Variants in RABGAP1L observed in about 807,000 individuals in gnomAD.
The protein encoded by RABGAP1L is RAB GTPase activating protein 1 like, also known as rab GTPase-activating protein 1-like.
In RABGAP1L, 63 loss-of-function variants were observed where a neutral mutation model predicts 137.7. The observed-to-expected ratio is 0.46, with a 90% CI of 0.37 to 0.56. The LOEUF is 0.56. Among genes scored for constraint, RABGAP1L ranks in the 20% least tolerant of loss-of-function variants. The probability of loss-of-function intolerance (pLI) is 0.00; values close to 1 mark genes in which losing one functional copy is unlikely to be tolerated. For synonymous variants in RABGAP1L, 431 were observed against 433.7 expected (o/e 0.99, Z 0.08); for missense variants, 1,095 against 1,244.0 (o/e 0.88, Z 1.80).
Position 174,277,906 on chromosome 1 carries a change from G to A in RABGAP1L, c.1157-707G>A, listed in dbSNP as rs371338175. Among the ~76,000 whole-genome samples, 17 of 152,186 alleles carry A rather than the reference G, an allele frequency of 1.1e-4. 1 individual carries two copies. In the South Asian group the frequency reaches 2.9e-3, roughly 26 times the overall value. ...GTAAGAATGTAATAAAATTGTTATT[G>A]AATTTGAGAAGTAGTTGATGAATCT... is the stretch of plus-strand genomic sequence containing the variant. On this transcript the variant is annotated intron_variant, in intron 9 of 25. Coordinates refer to ENST00000681986, the MANE Select transcript of RABGAP1L (RefSeq NM_001366446.1).
At chr1:174,254,558 G>C (rs963921615) in intron 7 of RABGAP1L, among the ~76,000 whole-genome samples, 1 of 152,104 alleles carries the variant, frequency 6.6e-6, no homozygotes, top group Admixed American at 6.6e-5. Context: ...TCATCGTTCA[G>C]CTCCCACTTA....
chr1:174,925,400 A>G (rs1271303966), intron 19 of RABGAP1L, among the ~76,000 whole-genome samples: 1 of 151,758 alleles, frequency 6.6e-6, no homozygotes, highest in Non-Finnish European at 1.5e-5. Flanking sequence ...CAACAACAAA[A>G]AAAACAGCTG....
At chr1:174,323,191 A>G (rs1432246869) in intron 11 of RABGAP1L, among the ~76,000 whole-genome samples, 2 of 152,160 alleles carry the variant, frequency 1.3e-5, no homozygotes, top group African/African-American at 4.8e-5. Flanking sequence ...TGGCATATAT[A>G]TTAGATATTT....
intron 7 of RABGAP1L, among the ~76,000 whole-genome samples, chr1:174,268,491 C>T (rs1030986309): frequency 6.6e-6 from 1 of 152,164 alleles, no homozygotes; most frequent in South Asian, 2.1e-4. Context: ...GCGTGAGCCA[C>T]TGCGCCCAGC....
chr1:174,757,047 C>T (rs1040896081), intron 18 of RABGAP1L: 17 of 562,898 alleles, frequency 3.0e-5, no homozygotes, highest in African/African-American at 9.6e-5. Context: ...TCACCAATCC[C>T]GGCCAGGCTC....
chr1:174,383,650 G>A (rs1233851526), intron 12 of RABGAP1L, among the ~76,000 whole-genome samples: 20 of 151,950 alleles, frequency 1.3e-4, no homozygotes, highest in Admixed American at 7.9e-4. Context: ...GCTTCGGCTC[G>A]CGCACGGTGC....
chr1:174,720,338 C>A (rs1426204393), intron 17 of RABGAP1L, among the ~76,000 whole-genome samples: 1 of 150,290 alleles, frequency 6.7e-6, no homozygotes, highest in African/African-American at 2.5e-5. Flanking sequence ...GGGTCTGGCT[C>A]TGTTGCCCAG....
At chr1:174,599,442 C>T (rs1404296006) in intron 13 of RABGAP1L, among the ~76,000 whole-genome samples, 2 of 152,096 alleles carry the variant, frequency 1.3e-5, no homozygotes, top group African/African-American at 4.8e-5. Flanking sequence ...AGTTTTGGAC[C>T]TCCAGATGAT....
At chr1:174,587,857 T>G (rs997749549) in intron 13 of RABGAP1L, among the ~76,000 whole-genome samples, 1 of 146,398 alleles carries the variant, frequency 6.8e-6, no homozygotes, top group Admixed American at 6.8e-5. Context: ...ACTCTTTAGA[T>G]TTATTTATTT....
intron 14 of RABGAP1L, among the ~76,000 whole-genome samples, chr1:174,644,901 A>C (rs1674825813): frequency 6.6e-6 from 1 of 152,118 alleles, no homozygotes; most frequent in African/African-American, 2.4e-5. Context: ...CCATCTGTCC[A>C]AATCTTAGTT....
At chr1:174,347,698 G>GT (rs1408457091) in intron 11 of RABGAP1L, among the ~76,000 whole-genome samples, 1 of 152,134 alleles carries the variant, frequency 6.6e-6, no homozygotes, top group Non-Finnish European at 1.5e-5. Flanking sequence ...GTTTCACCGT[G>GT]TTAGCCAGGA....
chr1:174,914,210 T>C (rs1660495363), intron 19 of RABGAP1L, among the ~76,000 whole-genome samples: 1 of 152,192 alleles, frequency 6.6e-6, no homozygotes, highest in South Asian at 2.1e-4. Flanking sequence ...CCAAGGCCAG[T>C]AGGGTGCCTC....
chr1:174,680,823 G>A (rs1263946597), intron 14 of RABGAP1L, among the ~76,000 whole-genome samples: 3 of 152,096 alleles, frequency 2.0e-5, no homozygotes, highest in Non-Finnish European at 4.4e-5. Context: ...CAGCCTGGGA[G>A]GCAGAGGCTG....
At chr1:174,334,337 C>T (rs1681289312) in intron 11 of RABGAP1L, among the ~76,000 whole-genome samples, 1 of 152,168 alleles carries the variant, frequency 6.6e-6, no homozygotes. Context: ...ACTGGTCTTC[C>T]TGCCTTCCAG....
intron 13 of RABGAP1L, among the ~76,000 whole-genome samples, chr1:174,517,016 G>C (rs1039172677): frequency 2.6e-5 from 4 of 151,720 alleles, no homozygotes; most frequent in African/African-American, 9.7e-5. Context: ...ATATAGTCCT[G>C]TATTCAAGTG....
intron 19 of RABGAP1L, among the ~76,000 whole-genome samples, chr1:174,862,059 G>A (rs1016314352): frequency 2.0e-5 from 3 of 152,056 alleles, no homozygotes; most frequent in African/African-American, 7.2e-5. Flanking sequence ...TTTCTTCTAG[G>A]AGTTTTGTGA....
Position 174,751,154 on chromosome 1 carries a change from A to G in RABGAP1L, c.2170-1159A>G, listed in dbSNP as rs140421091. ...TAAATAATCAGCTGAGTAAACCCCA[A>G]ACCAAAAATATTTGGTTTATATTTT... On this transcript the variant is annotated intron_variant, in intron 17 of 25. Coordinates refer to ENST00000681986, the MANE Select transcript of RABGAP1L (RefSeq NM_001366446.1). Among the ~76,000 whole-genome samples, 105 of 152,302 alleles carry G rather than the reference A, an allele frequency of 6.9e-4. 1 individual carries two copies. Among genetic ancestry groups the G allele is most frequent in the Middle Eastern group, 3.4e-3 (1 of 294 alleles).
At chr1:174,738,614 C>G (rs902528473) in intron 17 of RABGAP1L, among the ~76,000 whole-genome samples, 2 of 152,122 alleles carry the variant, frequency 1.3e-5, no homozygotes, top group Admixed American at 1.3e-4. Flanking sequence ...AACTGGTACT[C>G]CTCAATTTAC....
intron 14 of RABGAP1L, among the ~76,000 whole-genome samples, chr1:174,680,494 A>G (rs1677975875): frequency 6.6e-6 from 1 of 152,220 alleles, no homozygotes; most frequent in South Asian, 2.1e-4. Context: ...TCTTTTGTTT[A>G]TAAGCTAATT....
Sources: allele counts gnomAD v4.1 joint callset (sites outside exome capture counted in the v4.1 genomes callset), GRCh38; gene constraint gnomAD v4.1.1; transcripts MANE v1.5; gene names NCBI Gene and HGNC (gene_info 2026-07-23, HGNC 2026-07-21).